Variants in VPS45 observed in about 807,000 individuals in gnomAD.
VPS45 encodes vacuolar protein sorting-associated protein 45.
Under a neutral mutation model 75.9 loss-of-function variants are expected in VPS45, and 35 were observed. The ratio of observed to expected loss-of-function variants is 0.46; its 90% CI spans 0.35 to 0.61. The LOEUF (loss-of-function observed/expected upper bound fraction) is 0.61, where lower values mean the gene tolerates loss of function less well. Ranked by LOEUF, VPS45 falls within the 20% of genes least tolerant of loss-of-function variation. The pLI is 0.00. For missense variants in VPS45, 559 were observed against 685.9 expected (o/e 0.81, Z 2.07); for synonymous variants, 220 against 238.2 (o/e 0.92, Z 0.70).
chr1:150,067,606 G>A (rs1654788602), upstream of VPS45: 6 of 494,216 alleles, frequency 1.2e-5, no homozygotes, highest in South Asian at 9.6e-5. Flanking sequence ...TCAGGCCGCA[G>A]GTGGGTGGAG....
At chr1:150,083,624 G>C (rs1655844556) in intron 10 of VPS45, among the ~76,000 whole-genome samples, 1 of 150,484 alleles carries the variant, frequency 6.6e-6, no homozygotes, top group Non-Finnish European at 1.5e-5. Context: ...CAGAGAGAAT[G>C]CAGGCATGAA....
chr1:150,067,805 T>C lies in VPS45; in HGVS notation c.-53T>C. The C allele has an allele frequency of 6.3e-7, 1 of 1,585,970 alleles. No individual in the cohort carries two copies. The highest frequency in any genetic ancestry group is 1.7e-5 in the Admixed American group (1 of 59,088). On this transcript the variant is annotated 5_prime_UTR_variant, in exon 1 of 15. Transcript: ENST00000644510. ...CCCGGCCAACAGACTGGGGGTTAAT[T>C]TAGCCAGAAAAGGGGGCGGGAAGGG...
chr1:150,107,565 C>T (rs1245147968), intron 13 of VPS45, among the ~76,000 whole-genome samples: 1 of 152,092 alleles, frequency 6.6e-6, no homozygotes, highest in Admixed American at 6.5e-5. Context: ...ACAGTTACAC[C>T]CAATTCATTC....
rs1553799504 is a variant in VPS45, at chr1:150,081,986, G to A, written c.925G>A (p.Ala309Thr). 1 of 1,604,986 alleles carries A rather than the reference G, an allele frequency of 6.2e-7. No homozygotes were observed. Among genetic ancestry groups the A allele is most frequent in the East Asian group, 2.2e-5 (1 of 44,724 alleles). ...PKEQQKLESI[A>T]DMKAFVENYP... ...AGAACAGCAAAAACTAGAATCAATA[G>A]CAGACATGAAGGTAAATTGAACATG... Residue 309 changes from alanine (A) to threonine (T), a missense_variant, in exon 9 of 15, where the codon GCA becomes ACA. By Grantham distance (58) the Ala-to-Thr change is moderately conservative (BLOSUM62 0). Coordinates refer to ENST00000644510, the MANE Select transcript of VPS45 (RefSeq NM_007259.5).
intron 14 of VPS45, among the ~76,000 whole-genome samples, chr1:150,129,261 A>G (rs1174972964): frequency 1.3e-5 from 2 of 152,162 alleles, no homozygotes; most frequent in African/African-American, 4.8e-5. Context: ...GCCTTTTTAA[A>G]AGTTGAATTT....
At chr1:150,092,475 T>C (rs2101567285) in intron 12 of VPS45, 66 bp downstream of exon 12, 1 of 1,309,674 alleles carries the variant, frequency 7.6e-7, no homozygotes, top group East Asian at 2.4e-5. Flanking sequence ...TGAGAGTGAA[T>C]GAATATGATC....
At chr1:150,092,276 C>A (rs782120131) in intron 11 of VPS45, 26 bp from the exon 12 acceptor site, 3 of 1,606,500 alleles carry the variant, frequency 1.9e-6, no homozygotes, top group South Asian at 1.1e-5. Context: ...CCTAAGCAAT[C>A]AAAATTTGCT....
At chr1:150,097,272 G>C (rs1656714606) in intron 13 of VPS45, among the ~76,000 whole-genome samples, 1 of 151,068 alleles carries the variant, frequency 6.6e-6, no homozygotes, top group African/African-American at 2.4e-5. Flanking sequence ...TTTTAGTAGA[G>C]ATGGGGTCTC....
At chr1:150,095,802 C>T (rs1246705760) in intron 13 of VPS45, among the ~76,000 whole-genome samples, 1 of 151,994 alleles carries the variant, frequency 6.6e-6, no homozygotes, top group Non-Finnish European at 1.5e-5. Flanking sequence ...GGTTGGATCA[C>T]ATCGGTTCTC....
upstream of VPS45, chr1:150,067,610 G>A (rs1425653124): frequency 2.4e-5 from 12 of 497,540 alleles, no homozygotes; most frequent in African/African-American, 1.6e-4. Flanking sequence ...GCCGCAGGTG[G>A]GTGGAGAATA....
intron 11 of VPS45, 73 bp downstream of exon 11, chr1:150,092,168 T>G: frequency 6.5e-7 from 1 of 1,536,056 alleles, no homozygotes; most frequent in Non-Finnish European, 8.9e-7. Context: ...TAACGAATGA[T>G]AAATCATACT....
At chr1:150,143,120 A>T (rs971779794) in intron 14 of VPS45, among the ~76,000 whole-genome samples, 2 of 152,184 alleles carry the variant, frequency 1.3e-5, no homozygotes, top group Non-Finnish European at 2.9e-5. Flanking sequence ...TCTTGGCAAC[A>T]ATTATACAGT....
chr1:150,094,166 G>A (rs1369291595), intron 13 of VPS45, among the ~76,000 whole-genome samples: 2 of 152,164 alleles, frequency 1.3e-5, no homozygotes, highest in Non-Finnish European at 2.9e-5. Flanking sequence ...TAATCCAGTG[G>A]TTAATTTTTA....
chr1:150,083,741 T>C (rs1006765427), intron 10 of VPS45, among the ~76,000 whole-genome samples: 20 of 150,892 alleles, frequency 1.3e-4, no homozygotes, highest in African/African-American at 4.9e-4. Flanking sequence ...GAACAGAGAA[T>C]AGTTCAGTGT....
rs1272025020 is a variant in VPS45 at position 150,077,683 on chromosome 1, A to G, written c.591A>G (p.Lys197=). 1 of 1,613,596 alleles carries G rather than the reference A, an allele frequency of 6.2e-7. No individual in the cohort carries two copies. Among genetic ancestry groups the G allele is most frequent in the African/African-American group, 1.3e-5 (1 of 74,924 alleles). The change falls in exon 7 of 15, where the codon AAA becomes AAG. Residue 197 remains lysine (K), a synonymous_variant. Transcript: ENST00000644510. ...LAECVKQVIT[K]EYELFEFRRT... Reference sequence around the variant, plus strand: ...CTCACCCACAGCAAGTGATAACTAAAGAATATGAACTGTTTGAATTCCGTC... The same window carrying G: ...CTCACCCACAGCAAGTGATAACTAAGGAATATGAACTGTTTGAATTCCGTC...
chr1:150,073,242 T>G (rs1655178075), intron 3 of VPS45, among the ~76,000 whole-genome samples: 1 of 152,204 alleles, frequency 6.6e-6, no homozygotes, highest in African/African-American at 2.4e-5. Context: ...GGACTAGATT[T>G]AACAGTAAGT....
intron 14 of VPS45, among the ~76,000 whole-genome samples, chr1:150,116,290 G>T (rs1464882983): frequency 6.6e-6 from 1 of 152,174 alleles, no homozygotes; most frequent in Non-Finnish European, 1.5e-5. Context: ...TTTGAGCACA[G>T]AAGTGACATA....
intron 14 of VPS45, among the ~76,000 whole-genome samples, chr1:150,113,039 T>C (rs1299233887): frequency 1.3e-5 from 2 of 151,438 alleles, no homozygotes; most frequent in African/African-American, 2.4e-5. Flanking sequence ...TTTATGGAGG[T>C]TTCGTTATGT....
chr1:150,133,562 AAAG>A (rs782787959), intron 14 of VPS45, among the ~76,000 whole-genome samples: 2 of 152,172 alleles, frequency 1.3e-5, no homozygotes, highest in Non-Finnish European at 2.9e-5. Flanking sequence ...TCAAAAAAAT[AAAG>A]AAGACTTGCA....
Sources: allele counts gnomAD v4.1 joint callset (sites outside exome capture counted in the v4.1 genomes callset), GRCh38; gene constraint gnomAD v4.1.1; transcripts MANE v1.5; gene names NCBI Gene and HGNC (gene_info 2026-07-23, HGNC 2026-07-21).